The following EYS variants were observed in gnomAD, a reference collection of about 807,000 sequenced individuals.
EYS encodes the protein EGF-like photoreceptor maintenance factor, also known as protein eyes shut homolog.
A neutral mutation model predicts 282.1 loss-of-function variants in EYS; 250 were observed. The ratio of observed to expected loss-of-function variants is 0.89; its 90% CI spans 0.80 to 0.98. The LOEUF (loss-of-function observed/expected upper bound fraction) is 0.98, where lower values mean the gene tolerates loss of function less well. Among genes scored for constraint, EYS ranks in the 50% least tolerant of loss-of-function variants. EYS has a pLI of 0.00. For synonymous variants in EYS, 1,355 were observed against 1,282.9 expected, an observed-to-expected ratio of 1.06 and a Z score of -1.20; for missense variants, 4,016 against 3,709.0, an observed-to-expected ratio of 1.08 and a Z score of -2.15.
At chr6:64,512,986 T>A (rs904025039) in intron 26 of EYS, among the ~76,000 whole-genome samples, 5 of 151,902 alleles carry the variant, frequency 3.3e-5, no homozygotes, top group African/African-American at 1.2e-4. Flanking sequence ...TTCCTAGTAC[T>A]GTGTTGCATT....
At chr6:65,365,609 C>T (rs1164275252) in intron 8 of EYS, among the ~76,000 whole-genome samples, 2 of 151,572 alleles carry the variant, frequency 1.3e-5, no homozygotes, top group African/African-American at 2.4e-5. Flanking sequence ...CATGGCCTGT[C>T]TTCCTCAACA....
At chr6:65,085,064 T>C (rs1774329042) in intron 12 of EYS, among the ~76,000 whole-genome samples, 1 of 152,144 alleles carries the variant, frequency 6.6e-6, no homozygotes, top group Non-Finnish European at 1.5e-5. Context: ...GGAATCTAGG[T>C]CATTAGATGT....
chr6:64,512,873 A>C (rs1777451869), intron 26 of EYS, among the ~76,000 whole-genome samples: 2 of 151,694 alleles, frequency 1.3e-5, no homozygotes, highest in African/African-American at 4.8e-5. Flanking sequence ...AAGCAATAAA[A>C]CACTCTGTTT....
intron 29 of EYS, among the ~76,000 whole-genome samples, chr6:64,385,135 C>T (rs899042804): frequency 7.2e-5 from 11 of 152,156 alleles, no homozygotes; most frequent in Admixed American, 3.3e-4. Flanking sequence ...CTGCATGATA[C>T]TTAGATATTC....
intron 22 of EYS, among the ~76,000 whole-genome samples, chr6:64,771,885 T>C (rs1016447168): frequency 5.3e-5 from 8 of 151,828 alleles, no homozygotes; most frequent in African/African-American, 1.7e-4. Flanking sequence ...TATGCAGATA[T>C]TCTGTGTTCT....
At chr6:64,071,240 T>C (rs1771562930) in intron 32 of EYS, among the ~76,000 whole-genome samples, 1 of 151,920 alleles carries the variant, frequency 6.6e-6, no homozygotes, top group African/African-American at 2.4e-5. Context: ...GAAAATAATT[T>C]AATATTTAGC....
intron 31 of EYS, among the ~76,000 whole-genome samples, chr6:64,202,868 A>G (rs541698248): frequency 1.3e-5 from 2 of 152,318 alleles, no homozygotes; most frequent in Admixed American, 1.3e-4. Flanking sequence ...ATAGCTGGAA[A>G]AGGCAAGGAA....
intron 2 of EYS, among the ~76,000 whole-genome samples, chr6:65,575,145 A>G (rs975878711): frequency 1.3e-5 from 2 of 151,868 alleles, no homozygotes; most frequent in African/African-American, 4.8e-5. Flanking sequence ...ACATAGTGGA[A>G]CCTCATCTCT....
chr6:64,404,276 T>C (rs13193010), intron 28 of EYS, among the ~76,000 whole-genome samples: 42,129 of 152,050 alleles, frequency 0.28, 5,962 homozygotes, highest in East Asian at 0.46. Context: ...GGCATACTCA[T>C]TTGAAACCAT....
At chr6:64,726,560 AAAG>A (rs1771764997) in intron 22 of EYS, among the ~76,000 whole-genome samples, 1 of 152,160 alleles carries the variant, frequency 6.6e-6, no homozygotes, top group Admixed American at 6.5e-5. Flanking sequence ...TCAGATAGAA[AAAG>A]AAGAGATTCA....
chr6:65,440,716 G>T (rs1002576582), intron 5 of EYS, among the ~76,000 whole-genome samples: 1 of 151,082 alleles, frequency 6.6e-6, no homozygotes, highest in Non-Finnish European at 1.5e-5. Context: ...TGTTTGGGAT[G>T]TAGCATATAG....
At chr6:65,041,355 A>G (rs1162215158) in intron 13 of EYS, among the ~76,000 whole-genome samples, 1 of 151,632 alleles carries the variant, frequency 6.6e-6, no homozygotes. Context: ...ATGAGGTAAG[A>G]GTTAAGATAT....
intron 35 of EYS, among the ~76,000 whole-genome samples, chr6:63,959,046 CTT>C (rs754513932): frequency 1.3e-3 from 195 of 152,156 alleles, no homozygotes; most frequent in Non-Finnish European, 2.4e-3. Flanking sequence ...TGTAGAAACA[CTT>C]TTTGTAGAAA....
chr6:64,506,976 T>G (rs1054078525), intron 26 of EYS, among the ~76,000 whole-genome samples: 4 of 149,578 alleles, frequency 2.7e-5, no homozygotes, highest in African/African-American at 9.9e-5. Flanking sequence ...TTTCAGTTTT[T>G]TTTTTTTTTT....
intron 26 of EYS, among the ~76,000 whole-genome samples, chr6:64,537,897 T>G (rs916498458): frequency 2.6e-4 from 40 of 152,288 alleles, no homozygotes; most frequent in African/African-American, 8.4e-4. Context: ...GAGAACATAT[T>G]TTCATTACAT....
chr6:64,555,047 C>T (rs59699264), intron 26 of EYS, among the ~76,000 whole-genome samples: 9 of 151,888 alleles, frequency 5.9e-5, no homozygotes, highest in African/African-American at 1.4e-4. Context: ...GAAATCAGTA[C>T]GTCAAAAAGA....
In EYS at chr6:65,124,584, T is replaced by A. The variant is rs189005325; in HGVS notation, c.2024-66857A>T. On this transcript the variant is annotated intron_variant, in intron 12 of 42. Coordinates refer to ENST00000503581, the MANE Select transcript of EYS (RefSeq NM_001142800.2). ...ATATGCATTACTTCTCCTGACTACATCAATCTGCATTAAATCATAGTGACA... is the reference window on the plus strand; with the variant it reads ...ATATGCATTACTTCTCCTGACTACAACAATCTGCATTAAATCATAGTGACA... Among the ~76,000 whole-genome samples, 25 of 152,290 alleles carry A rather than the reference T, an allele frequency of 1.6e-4. No homozygotes were observed. The East Asian group carries it at 2.7e-3, about 16-fold the overall frequency.
intron 26 of EYS, among the ~76,000 whole-genome samples, chr6:64,521,382 T>G (rs1240018914): frequency 6.6e-6 from 1 of 151,674 alleles, no homozygotes; most frequent in Non-Finnish European, 1.5e-5. Context: ...TGCCCAGAAG[T>G]CACTGGGAAT....
At chr6:63,743,451 A>G (rs541816902) in intron 41 of EYS, among the ~76,000 whole-genome samples, 2 of 152,204 alleles carry the variant, frequency 1.3e-5, no homozygotes, top group Non-Finnish European at 2.9e-5. Flanking sequence ...CATGTCTGGT[A>G]GAATGGTGAT....
Sources: gnomAD v4.1 joint callset for allele counts (sites outside exome capture counted in the v4.1 genomes callset) on GRCh38, gnomAD v4.1.1 for gene constraint, MANE v1.5 for transcripts, NCBI Gene and HGNC (gene_info 2026-07-23, HGNC 2026-07-21) for gene names.